The following SSH2 variants were observed in gnomAD, a reference collection of about 807,000 sequenced individuals.
SSH2 encodes slingshot protein phosphatase 2.
Under a neutral mutation model 135.2 loss-of-function variants are expected in SSH2, and 37 were observed. The ratio of observed to expected loss-of-function variants is 0.27; its 90% CI spans 0.21 to 0.36. SSH2 has a LOEUF of 0.36. Ranked by LOEUF, SSH2 falls within the 10% of genes least tolerant of loss-of-function variation. SSH2 has a pLI of 1.00. For missense variants in SSH2, 1,408 were observed against 1,765.3 expected (o/e 0.80, Z 3.63); for synonymous variants, 628 against 646.2 (o/e 0.97, Z 0.43).
chr17:29,636,589 G>A lies in SSH2; in HGVS notation c.1641C>T (p.Gly547=). 1 of 1,614,124 alleles carries A rather than the reference G, an allele frequency of 6.2e-7. No individual in the cohort carries two copies. Among genetic ancestry groups the A allele is most frequent in the East Asian group, 2.2e-5 (1 of 44,880 alleles). Reference sequence around the variant, plus strand: ...AGATCATTCTTTCTTTGGTACACAGGCCTTTCTGATTTGCATCTTGTGGGA... The same window carrying A: ...AGATCATTCTTTCTTTGGTACACAGACCTTTCTGATTTGCATCTTGTGGGA... The part of the protein sequence containing the change: ...HMVPQDANQK[G]LCTKERMICL... The change falls in exon 15 of 16, where the codon GGC becomes GGT. Residue 547 remains glycine (G), a synonymous_variant. Transcript: ENST00000540801.
At chr17:29,845,845 C>T (rs1202586695) in intron 2 of SSH2, among the ~76,000 whole-genome samples, 1 of 152,040 alleles carries the variant, frequency 6.6e-6, no homozygotes, top group Admixed American at 6.6e-5. Context: ...CAGGCATGAC[C>T]CACCGTGCCT....
At chr17:29,729,269 C>G (rs142511067) in intron 3 of SSH2, among the ~76,000 whole-genome samples, 1,770 of 152,208 alleles carry the variant, frequency 0.012, 18 homozygotes, top group Middle Eastern at 0.034. Flanking sequence ...ATTGAAATGG[C>G]AAACAGTTAC....
At chr17:29,766,128 G>C (rs1029816861) in intron 3 of SSH2, among the ~76,000 whole-genome samples, 1 of 150,424 alleles carries the variant, frequency 6.6e-6, no homozygotes, top group Non-Finnish European at 1.5e-5. Flanking sequence ...TGGTCAGTCA[G>C]CTTTCAATAA....
chr17:29,883,685 A>C (rs7219163), intron 1 of SSH2, among the ~76,000 whole-genome samples: 73,674 of 151,862 alleles, frequency 0.49, 18,589 homozygotes, highest in East Asian at 0.69. Context: ...CTCTTCCTGG[A>C]CAGCCTAACT....
chr17:29,765,653 C>T (rs550494157), intron 3 of SSH2, among the ~76,000 whole-genome samples: 2 of 152,214 alleles, frequency 1.3e-5, no homozygotes, highest in African/African-American at 4.8e-5. Context: ...TATGGGCAAA[C>T]CTTAATCTAT....
At chr17:29,926,979 C>T (rs1255825923) in intron 1 of SSH2, among the ~76,000 whole-genome samples, 1 of 152,164 alleles carries the variant, frequency 6.6e-6, no homozygotes, top group African/African-American at 2.4e-5. Context: ...AATTATAACT[C>T]CAGTCACTTA....
At chr17:29,731,441 A>T (rs549402736) in intron 3 of SSH2, among the ~76,000 whole-genome samples, 8 of 148,214 alleles carry the variant, frequency 5.4e-5, no homozygotes, top group African/African-American at 9.9e-5. Context: ...TTATTTATTT[A>T]TTTATTTATT....
intron 3 of SSH2, among the ~76,000 whole-genome samples, chr17:29,768,096 C>G (rs1464870746): frequency 6.6e-6 from 1 of 152,022 alleles, no homozygotes; most frequent in Non-Finnish European, 1.5e-5. Flanking sequence ...ATTAAATTAA[C>G]TCAGGGCCCA....
intron 1 of SSH2, among the ~76,000 whole-genome samples, chr17:29,892,755 ATC>A (rs968120714): frequency 2.0e-5 from 3 of 151,274 alleles, no homozygotes; most frequent in African/African-American, 2.4e-5. Context: ...AACCTTCCAA[ATC>A]TCTCTCTCTC....
chr17:29,731,424 TATTTATTTATTTA>T, intron 3 of SSH2, among the ~76,000 whole-genome samples: 1 of 89,470 alleles, frequency 1.1e-5, no homozygotes, highest in African/African-American at 4.3e-5. Flanking sequence ...ATTTTTTATT[TATTTATTTATTTA>T]TTTATTTATT....
intron 1 of SSH2, among the ~76,000 whole-genome samples, chr17:29,908,366 G>C (rs2066695234): frequency 1.3e-5 from 2 of 152,080 alleles, no homozygotes. Context: ...GCTGACGTAG[G>C]AGGATCACTT....
chr17:29,638,509 TACACACACACACACACACACACACAC>T (rs71138839), intron 14 of SSH2, among the ~76,000 whole-genome samples: 10 of 128,882 alleles, frequency 7.8e-5, no homozygotes, highest in African/African-American at 2.1e-4. Context: ...TTCTATATTT[TACACACACACACACACACACACACAC>T]ACACACACAC....
chr17:29,684,565 G>A lies in SSH2; in HGVS notation c.477C>T (p.Asp159=), dbSNP rs1422774559. The change falls in exon 6 of 16, where the codon GAC becomes GAT. Residue 159 remains aspartate (D), a splice_region_variant and synonymous_variant. Coordinates refer to ENST00000540801, the MANE Select transcript of SSH2 (RefSeq NM_001282129.2). ...ATTTTGAAATGGTACCACCATACCT[G>A]TCATTAGAGGAGAAATCCATTCCTA... ...IVLGMDFSSN[D]SSTCTMGLVL... The A allele has an allele frequency of 4.4e-6, 7 of 1,608,346 alleles. No individual in the cohort carries two copies. Among genetic ancestry groups the A allele is most frequent in the East Asian group, 2.2e-5 (1 of 44,612 alleles).
intron 3 of SSH2, 160 bp downstream of exon 3, chr17:29,793,734 T>C (rs1197088607): frequency 1.1e-5 from 6 of 567,244 alleles, no homozygotes; most frequent in African/African-American, 7.7e-5. Flanking sequence ...CAAAATACCA[T>C]GCCCAGGTGC....
At chr17:29,662,354 A>G (rs1371577183) in intron 11 of SSH2, among the ~76,000 whole-genome samples, 1 of 152,222 alleles carries the variant, frequency 6.6e-6, no homozygotes, top group African/African-American at 2.4e-5. Flanking sequence ...GCTAAGATAA[A>G]TATAACTTGA....
At chr17:29,791,288 G>A (rs2042060864) in intron 3 of SSH2, among the ~76,000 whole-genome samples, 2 of 152,048 alleles carry the variant, frequency 1.3e-5, no homozygotes, top group South Asian at 2.1e-4. Context: ...GTTTCACCAT[G>A]TTGGCCAGGT....
At position 29,897,227 on chromosome 17, in the gene SSH2, C is replaced by T. The variant is rs577743917; in HGVS notation, c.63+32711G>A. On this transcript the variant is annotated intron_variant, in intron 1 of 15. Transcript: ENST00000540801. ...GCTAGGAAGAAACTTCATCAACTAA[C>T]GAGCAAAATAACCAGCTAACATCAT... Among the ~76,000 whole-genome samples the T allele has an allele frequency of 5.2e-4, 79 of 152,086 alleles. 1 individual carries two copies. In the South Asian group the frequency reaches 7.9e-3, roughly 15 times the overall value.
At chr17:29,726,224 AG>A (rs1202728629) in intron 3 of SSH2, among the ~76,000 whole-genome samples, 1 of 152,186 alleles carries the variant, frequency 6.6e-6, no homozygotes, top group African/African-American at 2.4e-5. Context: ...GTCAGGTGAA[AG>A]GAGGTTAGGA....
intron 1 of SSH2, among the ~76,000 whole-genome samples, chr17:29,872,948 A>G (rs999969392): frequency 1.3e-5 from 2 of 151,356 alleles, no homozygotes; most frequent in Non-Finnish European, 3.0e-5. Context: ...GTGAGCCGAG[A>G]TCACACCACT....
Sources: gnomAD v4.1 joint callset for allele counts (sites outside exome capture counted in the v4.1 genomes callset) on GRCh38, gnomAD v4.1.1 for gene constraint, MANE v1.5 for transcripts, NCBI Gene and HGNC (gene_info 2026-07-23, HGNC 2026-07-21) for gene names.